NCKAP5L: variants seen among roughly 807,000 people sequenced by gnomAD.
The protein encoded by NCKAP5L is NCK associated protein 5 like.
A neutral mutation model predicts 103.2 loss-of-function variants in NCKAP5L; 54 were observed. The ratio of observed to expected loss-of-function variants is 0.52; its 90% CI spans 0.42 to 0.66. The LOEUF (loss-of-function observed/expected upper bound fraction) is 0.66. Among genes scored for constraint, NCKAP5L ranks in the 30% least tolerant of loss-of-function variants. The pLI, the probability that NCKAP5L is intolerant of heterozygous loss-of-function variation, is 0.00. For missense variants in NCKAP5L, 1,733 were observed against 1,750.6 expected, an observed-to-expected ratio of 0.99 and a Z score of 0.18; for synonymous variants, 762 against 748.6, an observed-to-expected ratio of 1.02 and a Z score of -0.29.
At chr12:49,804,920 G>A (rs1231922886) in intron 2 of NCKAP5L, 1 of 152,288 alleles carries the variant, frequency 6.6e-6, no homozygotes, top group Non-Finnish European at 1.5e-5. Flanking sequence ...TTATCCCAGG[G>A]CAAGGTCCCG....
At chr12:49,812,739 T>C (rs898382171) in intron 1 of NCKAP5L, among the ~76,000 whole-genome samples, 15 of 152,204 alleles carry the variant, frequency 9.9e-5, no homozygotes, top group African/African-American at 3.4e-4. Flanking sequence ...AGTTTATCCA[T>C]CCATTCTACT....
intron 1 of NCKAP5L, among the ~76,000 whole-genome samples, chr12:49,820,173 A>T (rs1364942871): frequency 6.6e-6 from 1 of 152,180 alleles, no homozygotes; most frequent in Non-Finnish European, 1.5e-5. Flanking sequence ...GGCAGAGCTG[A>T]CCACTGAAAC....
chr12:49,803,914 T>A lies in NCKAP5L; in HGVS notation c.123+8A>T. On this transcript the variant is annotated splice_region_variant and intron_variant, in intron 3 of 12. Transcript: ENST00000335999. Reference sequence around the variant, plus strand: ...GCACTGCTGCCCCTACCACGCCCCATGCCGCACCTCCAGCTCCCGCAGTCG... The same window carrying A: ...GCACTGCTGCCCCTACCACGCCCCAAGCCGCACCTCCAGCTCCCGCAGTCG... 6.2e-7 allele frequency: 1 copy of A among 1,604,794 alleles called. No homozygotes were observed. Among genetic ancestry groups the A allele is most frequent in the Non-Finnish European group, 8.5e-7 (1 of 1,179,630 alleles).
rs975537950 is a variant in NCKAP5L, at chr12:49,797,669, C to T, written c.466-275G>A. 3.3e-5 allele frequency among the ~76,000 whole-genome samples: 5 copies of T among 152,178 alleles called. No homozygotes were observed. The highest frequency in any genetic ancestry group is 1.2e-4 in the African/African-American group (5 of 41,432). On this transcript the variant is annotated intron_variant, in intron 7 of 12. Coordinates refer to ENST00000335999, the MANE Select transcript of NCKAP5L (RefSeq NM_001037806.4). The surrounding 1 kb of genome is among the most constrained non-coding windows in gnomAD (Gnocchi z 4.5). ...CTTGGTTGCCCCAGCCCCTACTCCC[C>T]ACAGCCATTTGGATTAGCAGGGCTG...
Position 49,792,380 on chromosome 12 carries a change from C to A in NCKAP5L, c.3792+66G>T. The A allele has an allele frequency of 6.3e-7, 1 of 1,590,148 alleles. No homozygotes were observed. The highest frequency in any genetic ancestry group is 8.6e-7 in the Non-Finnish European group (1 of 1,168,460). ...CACAGGCCGTACCTTACTGGAGAAA[C>A]TGGTCTCCCCACATCACTCCCTCCT... On this transcript the variant is annotated intron_variant, in intron 12 of 12. Transcript: ENST00000335999. The surrounding 1 kb of genome is among the most constrained non-coding windows in gnomAD (Gnocchi z 4.5).
intron 1 of NCKAP5L, among the ~76,000 whole-genome samples, chr12:49,812,285 G>A (rs1946248626): frequency 6.6e-6 from 1 of 151,982 alleles, no homozygotes; most frequent in Non-Finnish European, 1.5e-5. Context: ...TCATATCATT[G>A]GTGCCTTTTA....
At chr12:49,824,645 G>C (rs1383402779) in intron 1 of NCKAP5L, among the ~76,000 whole-genome samples, 4 of 152,234 alleles carry the variant, frequency 2.6e-5, no homozygotes, top group Non-Finnish European at 5.9e-5. Flanking sequence ...AACTAGGAGA[G>C]AAGGATAAAC....
At chr12:49,807,105 A>C (rs532458259) in intron 1 of NCKAP5L, among the ~76,000 whole-genome samples, 1 of 152,260 alleles carries the variant, frequency 6.6e-6, no homozygotes, top group Non-Finnish European at 1.5e-5. Flanking sequence ...CTGCCCTCAG[A>C]GGCCTCCTCT....
Position 49,792,116 on chromosome 12 carries a change from C to G in NCKAP5L, c.3793-65G>C. The G allele has an allele frequency of 7.3e-7, 1 of 1,369,656 alleles. No homozygotes were observed. Among genetic ancestry groups the G allele is most frequent in the Non-Finnish European group, 9.7e-7 (1 of 1,026,606 alleles). The allele number at this position is 1,369,656 out of a possible 1,614,324, so 84.8% of individuals were successfully genotyped here. The stretch of plus-strand genomic sequence containing the variant: ...ACCTTTCGGCCCAGCCTCAGAGGCA[C>G]TGAGCTCTGAGGGGCGTCTGTGCAC... On this transcript the variant is annotated intron_variant, in intron 12 of 12. Transcript: ENST00000335999. The surrounding 1 kb of genome is among the most constrained non-coding windows in gnomAD (Gnocchi z 4.5).
chr12:49,793,010 G>T, intron 10 of NCKAP5L, 24 bp from the exon 11 acceptor site: 1 of 1,490,190 alleles, frequency 6.7e-7, no homozygotes, highest in Middle Eastern at 2.1e-4. Context: ...GGGAGGGCCC[G>T]TTAAGAGTGT....
At chr12:49,801,112 G>A (rs956567066) in intron 6 of NCKAP5L, among the ~76,000 whole-genome samples, 2 of 152,196 alleles carry the variant, frequency 1.3e-5, no homozygotes, top group African/African-American at 2.4e-5. Context: ...AGGGGCTGGG[G>A]GCCAAGAGCT....
chr12:49,793,629 A>G lies in NCKAP5L; in HGVS notation c.3258+105T>C, dbSNP rs118025505. ...GTCTCCCCGTAGAGACTGTGAGTGC[A>G]TCCGGCACTCATGGTCTTGGGGAAG... On this transcript the variant is annotated intron_variant, in intron 9 of 12. Coordinates refer to ENST00000335999, the MANE Select transcript of NCKAP5L (RefSeq NM_001037806.4). The G allele has an allele frequency of 3.5e-4, 487 of 1,378,494 alleles. 6 individuals carry two copies. In the East Asian group the frequency reaches 0.012, roughly 33 times the overall value. 85.4% of individuals were successfully genotyped at this position (1,378,494 alleles called of 1,614,324 possible).
At chr12:49,826,037 C>T (rs1283725157) in intron 1 of NCKAP5L, among the ~76,000 whole-genome samples, 1 of 151,738 alleles carries the variant, frequency 6.6e-6, no homozygotes, top group Non-Finnish European at 1.5e-5. Context: ...CTGCCACTGG[C>T]TGGTATAGCA....
chr12:49,806,544 C>T (rs1946182775), intron 1 of NCKAP5L, among the ~76,000 whole-genome samples: 1 of 152,240 alleles, frequency 6.6e-6, no homozygotes, highest in African/African-American at 2.4e-5. Context: ...TTCTTCCACA[C>T]CATCCCATCC....
chr12:49,793,038 C>T, intron 10 of NCKAP5L, 52 bp from the exon 11 acceptor site: 1 of 1,362,278 alleles, frequency 7.3e-7, no homozygotes, highest in Non-Finnish European at 9.8e-7. Flanking sequence ...GGCTCAGTCC[C>T]CGGCCTGCCT....
In NCKAP5L at chr12:49,804,000, T is replaced by G. The variant is rs1835289181; in HGVS notation, c.45A>C (p.Pro15=). Residue 15 remains proline (P), a synonymous_variant, in exon 3 of 13, where the codon CCA becomes CCC. Transcript: ENST00000335999. ...MDQPAGGPGN[P]RPGEGDDGSM... ...TGCCATCATCACCCTCTCCTGGCCTTGGGTTTCCAGGACCCCCAGCTGGCT... is the reference window on the plus strand; with the variant it reads ...TGCCATCATCACCCTCTCCTGGCCTGGGGTTTCCAGGACCCCCAGCTGGCT... 4.3e-6 allele frequency: 7 copies of G among 1,612,352 alleles called. No individual in the cohort carries two copies. The highest frequency in any genetic ancestry group is 5.9e-6 in the Non-Finnish European group (7 of 1,179,936).
rs1232392769 is a variant in NCKAP5L at position 49,803,172 on chromosome 12, G to C, written c.124-7C>G. 1.2e-6 allele frequency: 2 copies of C among 1,613,614 alleles called. No individual in the cohort carries two copies. Among genetic ancestry groups the C allele is most frequent in the East Asian group, 4.5e-5 (2 of 44,888 alleles). Reference sequence around the variant, plus strand: ...CAAGTGCCGAGTTCTCTGCCTGCAGGAGTGAGGGAGGAAGAGGGCAAAAAG... The same window carrying C: ...CAAGTGCCGAGTTCTCTGCCTGCAGCAGTGAGGGAGGAAGAGGGCAAAAAG... On this transcript the variant is annotated splice_region_variant and splice_polypyrimidine_tract_variant and intron_variant, in intron 3 of 12. Transcript: ENST00000335999.
Position 49,795,835 on chromosome 12 carries a change from G to C in NCKAP5L, c.2025C>G (p.Pro675=). The change falls in exon 8 of 13, where the codon CCC becomes CCG. Residue 675 remains proline, a synonymous_variant. Transcript: ENST00000335999. ...TCTTCTCTGAGCCCAGGGCCCCCTC[G>C]GGGCCTGTCTTCAGCTTCCCCAGGG... ...LAALGKLKTG[P]EGALGSEKNG... 6.4e-7 allele frequency: 1 copy of C among 1,566,814 alleles called. No individual in the cohort carries two copies. The highest frequency in any genetic ancestry group is 8.6e-7 in the Non-Finnish European group (1 of 1,157,250).
chr12:49,801,009 A>C (rs1946112169), intron 6 of NCKAP5L, among the ~76,000 whole-genome samples: 1 of 152,180 alleles, frequency 6.6e-6, no homozygotes, highest in Admixed American at 6.5e-5. Flanking sequence ...CTCTGTGCCA[A>C]CCTGGCGAGA....
Sources: gnomAD v4.1 joint callset for allele counts (sites outside exome capture counted in the v4.1 genomes callset) on GRCh38, gnomAD v4.1.1 for gene constraint, Gnocchi (gnomAD v3.1) non-coding constraint, MANE v1.5 for transcripts, NCBI Gene and HGNC (gene_info 2026-07-23, HGNC 2026-07-21) for gene names.